The following SLC17A6 variants were observed in gnomAD, a reference collection of about 807,000 sequenced individuals.
SLC17A6 encodes the protein vesicular glutamate transporter 2.
A neutral mutation model predicts 67.1 loss-of-function variants in SLC17A6; 35 were observed. That is an observed-to-expected ratio of 0.52 (90% CI 0.40 to 0.69). SLC17A6 has a LOEUF of 0.69. Among genes scored for constraint, SLC17A6 ranks in the 30% least tolerant of loss-of-function variants. SLC17A6 has a pLI of 0.00. For missense variants in SLC17A6, 588 were observed against 723.9 expected, an observed-to-expected ratio of 0.81 and a Z score of 2.15; for synonymous variants, 285 against 252.3, an observed-to-expected ratio of 1.13 and a Z score of -1.23.
chr11:22,341,156 A>C (rs1438592320), intron 1 of SLC17A6, among the ~76,000 whole-genome samples: 3 of 152,152 alleles, frequency 2.0e-5, no homozygotes, highest in Non-Finnish European at 4.4e-5. Context: ...TCAGGTGCAG[A>C]GGAGGCGCTG....
At chr11:22,375,739 C>T (rs926011344) in intron 9 of SLC17A6, among the ~76,000 whole-genome samples, 1 of 152,118 alleles carries the variant, frequency 6.6e-6, no homozygotes, top group Non-Finnish European at 1.5e-5. Flanking sequence ...CTCGGCCTCT[C>T]AAAGTTCTGG....
intron 9 of SLC17A6, among the ~76,000 whole-genome samples, chr11:22,375,550 G>A (rs375716569): frequency 1.6e-4 from 24 of 151,422 alleles, no homozygotes; most frequent in East Asian, 5.9e-4. Flanking sequence ...GCATGATCTC[G>A]GCTCACCACA....
intron 5 of SLC17A6, among the ~76,000 whole-genome samples, chr11:22,362,497 T>C (rs897951029): frequency 6.6e-6 from 1 of 152,180 alleles, no homozygotes; most frequent in African/African-American, 2.4e-5. Context: ...GTCTCCATTA[T>C]TATTTTTAAA....
intron 6 of SLC17A6, 117 bp from the exon 7 acceptor site, chr11:22,365,430 A>T: frequency 8.3e-7 from 1 of 1,211,244 alleles, no homozygotes; most frequent in South Asian, 1.3e-5. Context: ...TTGGAGAAAC[A>T]TAAGCTTGAA....
chr11:22,365,335 G>C (rs1856099523), intron 6 of SLC17A6, among the ~76,000 whole-genome samples: 1 of 152,138 alleles, frequency 6.6e-6, no homozygotes, highest in East Asian at 1.9e-4. Context: ...CTATTTCATA[G>C]AGACAAGGAG....
chr11:22,338,556 T>C lies in SLC17A6; in HGVS notation c.23T>C (p.Ile8Thr), dbSNP rs749999591. MESVKQR[I>T]LAPGKEGLKN... ...AGAATGGAATCCGTAAAACAAAGGA[T>C]TTTGGCCCCAGGAAAAGAGGGGCTA... Residue 8 changes from isoleucine (I) to threonine (T), a missense_variant, in exon 1 of 12, where the codon ATT (isoleucine) becomes ACT (threonine). Ile to Thr is a moderately conservative substitution (Grantham distance 89). Around this residue, in one of 4 missense-constraint regions of SLC17A6, gnomAD observed 117 missense variants for 98.7 expected, o/e 1.19. Coordinates refer to ENST00000263160, the MANE Select transcript of SLC17A6 (RefSeq NM_020346.3). The C allele has an allele frequency of 2.5e-6, 4 of 1,612,550 alleles. No homozygotes were observed. The East Asian group carries it at 8.9e-5, about 36-fold the overall frequency.
chr11:22,338,601 C>G lies in SLC17A6; in HGVS notation c.68C>G (p.Ser23Ter). The G allele has an allele frequency of 6.2e-7, 1 of 1,613,368 alleles. No individual in the cohort carries two copies. The highest frequency in any genetic ancestry group is 8.5e-7 in the Non-Finnish European group (1 of 1,179,606). The stretch of plus-strand genomic sequence containing the variant: ...GGGCTAAAGAATTTTGCTGGAAAAT[C>G]ACTCGGCCAGATCTACAGGTAAGAC... ...KEGLKNFAGKSLGQIYRVLEK... is the reference protein window; with the variant it reads ...KEGLKNFAGK Residue 23 changes from serine to a stop codon, truncating the protein, a stop_gained, in exon 1 of 12, where the codon TCA becomes TGA. Coordinates refer to ENST00000263160, the MANE Select transcript of SLC17A6 (RefSeq NM_020346.3). LOFTEE classifies it high-confidence loss of function.
intron 10 of SLC17A6, 56 bp from the exon 11 acceptor site, chr11:22,376,489 A>G (rs1286164096): frequency 1.2e-5 from 20 of 1,605,924 alleles, no homozygotes; most frequent in Non-Finnish European, 1.4e-5. Flanking sequence ...TTCTATAGGT[A>G]TTTACTTCTA....
At position 22,341,831 on chromosome 11, in the gene SLC17A6, G is replaced by A. The variant is rs768217554; in HGVS notation, c.339+51G>A. On this transcript the variant is annotated intron_variant, in intron 2 of 11. Coordinates refer to ENST00000263160, the MANE Select transcript of SLC17A6 (RefSeq NM_020346.3). ...TCCTGCCCTTCGGCCATGCGGCCTC[G>A]CAAAACCACATCTCCTGTTTGAGCC... is the stretch of plus-strand genomic sequence containing the variant. 6.3e-6 allele frequency: 10 copies of A among 1,594,702 alleles called. 1 individual carries two copies. Among genetic ancestry groups the A allele is most frequent in the South Asian group, 4.6e-5 (4 of 87,660 alleles).
rs1856215485 is a variant in SLC17A6 at position 22,374,874 on chromosome 11, C to T, written c.1161C>T (p.Ile387=). ...QILSTTTVRK[I]MNCGGFGMEA... is the part of the protein sequence containing the mutation. The stretch of plus-strand genomic sequence containing the variant: ...TTTCAACTACGACAGTGAGAAAGAT[C>T]ATGAATTGTGGTGGTAAGTACATAA... The change falls in exon 9 of 12, where the codon ATC becomes ATT. Residue 387 remains isoleucine, a synonymous_variant. Coordinates refer to ENST00000263160, the MANE Select transcript of SLC17A6 (RefSeq NM_020346.3). The T allele has an allele frequency of 6.2e-7, 1 of 1,612,590 alleles. No homozygotes were observed. Among genetic ancestry groups the T allele is most frequent in the Non-Finnish European group, 8.5e-7 (1 of 1,179,492 alleles).
At chr11:22,347,286 T>C (rs2133861444) in intron 3 of SLC17A6, among the ~76,000 whole-genome samples, 1 of 152,220 alleles carries the variant, frequency 6.6e-6, no homozygotes, top group East Asian at 1.9e-4. Flanking sequence ...AGCCAAACTG[T>C]AGGTTCAGGC....
At chr11:22,361,234 G>T in intron 5 of SLC17A6, 1 of 385,306 alleles carries the variant, frequency 2.6e-6, no homozygotes, top group South Asian at 4.6e-5. Context: ...ATATATTCAT[G>T]GGTGGTTTTT....
chr11:22,362,003 C>A (rs920885341), intron 5 of SLC17A6, among the ~76,000 whole-genome samples: 1 of 151,846 alleles, frequency 6.6e-6, no homozygotes, highest in Admixed American at 6.6e-5. Context: ...TAAATATTGC[C>A]ATTTCTGTCT....
In SLC17A6 at chr11:22,374,888, G is replaced by A; in HGVS notation, c.1174+1G>A. 2 of 1,611,312 alleles carry A rather than the reference G, an allele frequency of 1.2e-6. No homozygotes were observed. The highest frequency in any genetic ancestry group is 1.7e-6 in the Non-Finnish European group (2 of 1,179,084). On this transcript the variant is annotated splice_donor_variant, in intron 9 of 11. Transcript: ENST00000263160. LOFTEE classifies it high-confidence loss of function. ...GTGAGAAAGATCATGAATTGTGGTG[G>A]TAAGTACATAAGTGGCACTAAGGAC... is the stretch of plus-strand genomic sequence containing the variant.
In SLC17A6 at chr11:22,370,193, GT is replaced by G; in HGVS notation, c.1041+6del. 6.3e-7 allele frequency: 1 copy of G among 1,595,966 alleles called. No homozygotes were observed. The highest frequency in any genetic ancestry group is 8.5e-7 in the Non-Finnish European group (1 of 1,173,442). On this transcript the variant is annotated splice_donor_region_variant and intron_variant, in intron 8 of 11. Transcript: ENST00000263160. ...TTTGGATTTGAAATTAGCAAGGTAT[GT>G]AAAATGTATTCTTATATAAATTGTG...
At chr11:22,375,699 C>T (rs1192293687) in intron 9 of SLC17A6, among the ~76,000 whole-genome samples, 9 of 152,048 alleles carry the variant, frequency 5.9e-5, no homozygotes, top group Non-Finnish European at 1.2e-4. Flanking sequence ...AGACTGGCCT[C>T]GAACTCCTGA....
Position 22,360,998 on chromosome 11 carries a change from G to A in SLC17A6, c.661+14G>A. On this transcript the variant is annotated intron_variant, in intron 5 of 11. Coordinates refer to ENST00000263160, the MANE Select transcript of SLC17A6 (RefSeq NM_020346.3). ...CCTCCTTTTGTGGTGAGTACTGTGT[G>A]CAGATGCAGCTATGGTGGCTAAAAG... 1 of 1,607,634 alleles carries A rather than the reference G, an allele frequency of 6.2e-7. No individual in the cohort carries two copies. Among genetic ancestry groups the A allele is most frequent in the Non-Finnish European group, 8.5e-7 (1 of 1,174,984 alleles).
intron 3 of SLC17A6, among the ~76,000 whole-genome samples, chr11:22,346,952 C>G (rs561483056): frequency 2.0e-5 from 3 of 151,406 alleles, no homozygotes; most frequent in Non-Finnish European, 2.9e-5. Flanking sequence ...CACTGTATCA[C>G]AAAACTGTTT....
At chr11:22,362,899 G>A in intron 6 of SLC17A6, 74 bp downstream of exon 6, 1 of 1,037,244 alleles carries the variant, frequency 9.6e-7, no homozygotes, top group Non-Finnish European at 1.5e-6. Context: ...CAGACAATGA[G>A]ATCAATCACT....
Sources: allele counts gnomAD v4.1 joint callset (sites outside exome capture counted in the v4.1 genomes callset), GRCh38; gene constraint gnomAD v4.1.1; regional missense constraint gnomAD v4.1.1; transcripts MANE v1.5; gene names NCBI Gene and HGNC (gene_info 2026-07-23, HGNC 2026-07-21).